Variants in FHIP1A observed in about 807,000 individuals in gnomAD.
FHIP1A encodes FHF complex subunit HOOK interacting protein 1A, also known as FHF complex subunit HOOK-interacting protein 1A.
FHIP1A carries 61 observed loss-of-function variants against 88.6 expected under a neutral mutation model. The observed-to-expected ratio is 0.69, with a 90% CI of 0.56 to 0.85. FHIP1A has a LOEUF of 0.85. Among genes scored for constraint, FHIP1A ranks in the 40% least tolerant of loss-of-function variants. The pLI, the probability that FHIP1A is intolerant of heterozygous loss-of-function variation, is 0.00. For synonymous variants in FHIP1A, 478 were observed against 496.0 expected (o/e 0.96, Z 0.48); for missense variants, 1,154 against 1,273.5 (o/e 0.91, Z 1.43).
At chr4:151,526,347 C>T (rs1212846992) in intron 3 of FHIP1A, among the ~76,000 whole-genome samples, 2 of 151,568 alleles carry the variant, frequency 1.3e-5, no homozygotes, top group Non-Finnish European at 1.5e-5. Flanking sequence ...GGCAGAGGCG[C>T]CCCTCACCTC....
At chr4:151,461,221 GA>G (rs1263728030) in intron 2 of FHIP1A, among the ~76,000 whole-genome samples, 1 of 151,982 alleles carries the variant, frequency 6.6e-6, no homozygotes, top group African/African-American at 2.4e-5. Context: ...AAAGAGGACT[GA>G]AAAAAAGGGA....
At chr4:151,433,536 G>A (rs537957823) in intron 1 of FHIP1A, among the ~76,000 whole-genome samples, 1 of 152,132 alleles carries the variant, frequency 6.6e-6, no homozygotes, top group East Asian at 1.9e-4. Flanking sequence ...AGTTAATGGC[G>A]CTGGTGAGAC....
At chr4:151,639,830 C>T (rs1256685503) in intron 9 of FHIP1A, among the ~76,000 whole-genome samples, 2 of 152,164 alleles carry the variant, frequency 1.3e-5, no homozygotes, top group Admixed American at 1.3e-4. Context: ...CTCCCTGCTC[C>T]TCCTTCCTTA....
At chr4:151,456,071 G>GA (rs944854869) in intron 2 of FHIP1A, among the ~76,000 whole-genome samples, 1 of 151,090 alleles carries the variant, frequency 6.6e-6, no homozygotes, top group Non-Finnish European at 1.5e-5. Context: ...ATCATCTATG[G>GA]AAAAAAAAGC....
intron 7 of FHIP1A, among the ~76,000 whole-genome samples, chr4:151,614,463 T>A (rs552004617): frequency 6.5e-4 from 96 of 148,550 alleles, no homozygotes; most frequent in Non-Finnish European, 1.1e-3. Context: ...TGTGAGACTC[T>A]GTCTCAAAAA....
intron 1 of FHIP1A, among the ~76,000 whole-genome samples, chr4:151,426,047 C>T (rs548622139): frequency 4.6e-5 from 7 of 152,072 alleles, no homozygotes; most frequent in South Asian, 2.1e-4. Flanking sequence ...CTCTTTGGGA[C>T]GTAATTTTTC....
At chr4:151,599,290 G>C (rs1313723162) in intron 7 of FHIP1A, among the ~76,000 whole-genome samples, 1 of 152,188 alleles carries the variant, frequency 6.6e-6, no homozygotes, top group Non-Finnish European at 1.5e-5. Flanking sequence ...ACAAGAGCTA[G>C]TTTTGTTGTC....
intron 3 of FHIP1A, among the ~76,000 whole-genome samples, chr4:151,485,216 T>G (rs1042993111): frequency 1.3e-5 from 2 of 152,014 alleles, no homozygotes; most frequent in African/African-American, 4.8e-5. Context: ...AATTCATCCA[T>G]TTTGGTCTCT....
intron 4 of FHIP1A, among the ~76,000 whole-genome samples, chr4:151,571,245 T>C (rs1287921847): frequency 6.6e-6 from 1 of 152,246 alleles, no homozygotes; most frequent in African/African-American, 2.4e-5. Flanking sequence ...AACAAATCAA[T>C]TGGAAATGCA....
intron 7 of FHIP1A, among the ~76,000 whole-genome samples, chr4:151,613,299 A>G (rs1025792871): frequency 1.3e-5 from 2 of 152,244 alleles, no homozygotes; most frequent in Non-Finnish European, 2.9e-5. Flanking sequence ...TGGATAATGA[A>G]GTTTTAGAAG....
chr4:151,530,675 C>T (rs1731839348), intron 3 of FHIP1A, among the ~76,000 whole-genome samples: 1 of 152,132 alleles, frequency 6.6e-6, no homozygotes, highest in South Asian at 2.1e-4. Context: ...TCTTTCCTGC[C>T]TCCTCCCCTC....
At chr4:151,443,375 T>A (rs892204765) in intron 1 of FHIP1A, among the ~76,000 whole-genome samples, 1 of 152,086 alleles carries the variant, frequency 6.6e-6, no homozygotes, top group Non-Finnish European at 1.5e-5. Context: ...TGGATCGCAA[T>A]GGTGTGATCA....
At chr4:151,416,737 T>G (rs1732905142) in intron 1 of FHIP1A, among the ~76,000 whole-genome samples, 1 of 152,198 alleles carries the variant, frequency 6.6e-6, no homozygotes, top group South Asian at 2.1e-4. Context: ...AGTTTGTATA[T>G]ATTCATATTT....
At chr4:151,622,718 A>G (rs765944739) in intron 7 of FHIP1A, among the ~76,000 whole-genome samples, 2 of 152,180 alleles carry the variant, frequency 1.3e-5, no homozygotes, top group African/African-American at 2.4e-5. Flanking sequence ...ACTCTGTGGA[A>G]CAATTAGTAA....
intron 5 of FHIP1A, among the ~76,000 whole-genome samples, chr4:151,583,541 A>AC (rs1734101366): frequency 2.6e-5 from 4 of 152,218 alleles, no homozygotes. Context: ...TGATGTATGT[A>AC]ATTTGAAAAT....
At chr4:151,488,430 G>C (rs1192187984) in intron 3 of FHIP1A, among the ~76,000 whole-genome samples, 1 of 152,126 alleles carries the variant, frequency 6.6e-6, no homozygotes, top group Non-Finnish European at 1.5e-5. Context: ...TTAGGATAAT[G>C]ACCTCCAGCT....
chr4:151,579,730 G>A (rs72728193), intron 5 of FHIP1A, among the ~76,000 whole-genome samples: 2,019 of 152,254 alleles, frequency 0.013, 16 homozygotes, highest in Middle Eastern at 0.034. Flanking sequence ...TGTAGATAGT[G>A]TATAGATGAG....
At chr4:151,489,397 T>A (rs1235309300) in intron 3 of FHIP1A, among the ~76,000 whole-genome samples, 2 of 152,106 alleles carry the variant, frequency 1.3e-5, no homozygotes, top group Non-Finnish European at 2.9e-5. Context: ...TGAAGGAAAC[T>A]CCTAGCTGAA....
chr4:151,498,328 C>T (rs1048047642), intron 3 of FHIP1A, among the ~76,000 whole-genome samples: 21 of 152,182 alleles, frequency 1.4e-4, no homozygotes, highest in South Asian at 4.1e-4. Context: ...ACTTTCTTCC[C>T]TTCTGGGGTT....
Sources: allele counts gnomAD v4.1 joint callset (sites outside exome capture counted in the v4.1 genomes callset), GRCh38; gene constraint gnomAD v4.1.1; transcripts MANE v1.5; gene names NCBI Gene and HGNC (gene_info 2026-07-23, HGNC 2026-07-21).